PRDM11: variants seen among roughly 807,000 people sequenced by gnomAD.
PRDM11 encodes the protein PR/SET domain 11.
In PRDM11, 20 loss-of-function variants were observed where a neutral mutation model predicts 97.8. The ratio of observed to expected loss-of-function variants is 0.20; its 90% confidence interval spans 0.14 to 0.30. PRDM11 has a LOEUF of 0.30. PRDM11 is among the 10% of genes least tolerant of loss of function. The pLI, the probability that PRDM11 is intolerant of heterozygous loss-of-function variation, is 1.00. For missense variants in PRDM11, 1,139 were observed against 1,555.2 expected (o/e 0.73, Z 4.50); for synonymous variants, 599 against 637.7 (o/e 0.94, Z 0.91).
At chr11:45,192,093 G>A (rs1331331242) in intron 4 of PRDM11, among the ~76,000 whole-genome samples, 2 of 152,110 alleles carry the variant, frequency 1.3e-5, no homozygotes, top group Non-Finnish European at 2.9e-5. Context: ...GGGAGGGATG[G>A]ATGAGTTGAT....
chr11:45,120,519 C>CCACT (rs1852405715), intron 1 of PRDM11, among the ~76,000 whole-genome samples: 3 of 151,996 alleles, frequency 2.0e-5, no homozygotes. Flanking sequence ...GTAAAACTGA[C>CCACT]CACTGGTCTT....
intron 1 of PRDM11, among the ~76,000 whole-genome samples, chr11:45,159,854 A>G (rs750583800): frequency 3.3e-5 from 5 of 152,154 alleles, no homozygotes; most frequent in African/African-American, 4.8e-5. Flanking sequence ...TTATCCCTGA[A>G]GCATCCCTGA....
chr11:45,097,752 G>A (rs914611036), intron 1 of PRDM11, among the ~76,000 whole-genome samples: 2 of 152,232 alleles, frequency 1.3e-5, no homozygotes, highest in African/African-American at 2.4e-5. Flanking sequence ...GCATGGAGCC[G>A]CCTTGTTGGC....
chr11:45,145,697 T>C (rs1005374511), upstream of PRDM11, among the ~76,000 whole-genome samples: 15 of 152,172 alleles, frequency 9.9e-5, no homozygotes, highest in African/African-American at 3.4e-4. Context: ...ACAGGACTTG[T>C]AGAGGACGCC....
In PRDM11 at chr11:45,194,098, T is replaced by C. The variant is rs190471950; in HGVS notation, c.487-10613T>C. ...CAGGCTGCCTGTTAAACAGTCTAGTTCAGAATCCTGTGGCAAAAGGTGGTA... is the reference window on the plus strand; with the variant it reads ...CAGGCTGCCTGTTAAACAGTCTAGTCCAGAATCCTGTGGCAAAAGGTGGTA... On this transcript the variant is annotated intron_variant, in intron 4 of 7. Coordinates refer to ENST00000683152, the MANE Select transcript of PRDM11 (RefSeq NM_001384648.1). 9.7e-4 allele frequency among the ~76,000 whole-genome samples: 148 copies of C among 152,338 alleles called. 1 individual carries two copies. Among genetic ancestry groups the C allele is most frequent in the Non-Finnish European group, 7.8e-4 (53 of 68,032 alleles).
chr11:45,114,485 TAGA>T (rs1441540215), intron 1 of PRDM11, among the ~76,000 whole-genome samples: 2 of 152,130 alleles, frequency 1.3e-5, no homozygotes, highest in Admixed American at 6.5e-5. Flanking sequence ...ATTAAAGTCT[TAGA>T]AGGAGAGAAA....
At chr11:45,111,767 C>T (rs1852187531) in intron 1 of PRDM11, among the ~76,000 whole-genome samples, 1 of 152,028 alleles carries the variant, frequency 6.6e-6, no homozygotes, top group Non-Finnish European at 1.5e-5. Flanking sequence ...AACCAGGGGC[C>T]CATTGAGTTG....
chr11:45,229,527 A>G lies in PRDM11; in HGVS notation c.*1368A>G, dbSNP rs929177033. On this transcript the variant is annotated 3_prime_UTR_variant, in exon 8 of 8. Transcript: ENST00000683152. ...ACACACACACACACACACAATCACAATATACAATATAAGCTTTAGAAATAG... is the reference window on the plus strand; with the variant it reads ...ACACACACACACACACACAATCACAGTATACAATATAAGCTTTAGAAATAG... 6.6e-6 allele frequency: 1 copy of G among 151,984 alleles called. No homozygotes were observed. Among genetic ancestry groups the G allele is most frequent in the Non-Finnish European group, 1.5e-5 (1 of 67,988 alleles). The allele number at this position is 151,984 out of a possible 1,614,324, so 9.4% of individuals were successfully genotyped here.
chr11:45,130,036 C>A (rs536141991), intron 1 of PRDM11, among the ~76,000 whole-genome samples: 1 of 152,048 alleles, frequency 6.6e-6, no homozygotes, highest in African/African-American at 2.4e-5. Context: ...TGGAGAATGC[C>A]TTTTAAATAA....
chr11:45,186,048 C>T (rs935679676), intron 4 of PRDM11, among the ~76,000 whole-genome samples: 1 of 152,100 alleles, frequency 6.6e-6, no homozygotes, highest in Non-Finnish European at 1.5e-5. Context: ...CAAAGAAACA[C>T]ATTAATTCCC....
intron 6 of PRDM11, among the ~76,000 whole-genome samples, chr11:45,220,810 T>C (rs1021597880): frequency 6.6e-6 from 1 of 152,246 alleles, no homozygotes; most frequent in African/African-American, 2.4e-5. Context: ...CAGTTTTAAC[T>C]ACTCTCAGCC....
Position 45,200,596 on chromosome 11 carries a change from G to A in PRDM11, c.487-4115G>A, listed in dbSNP as rs78610416. The stretch of plus-strand genomic sequence containing the variant: ...CCATGGCTCTTACTACCCTCCATGT[G>A]CTCCTACTACTGGCTGTAGGAACTA... On this transcript the variant is annotated intron_variant, in intron 4 of 7. Transcript: ENST00000683152. Among the ~76,000 whole-genome samples, 341 of 152,284 alleles carry A rather than the reference G, an allele frequency of 2.2e-3. 2 individuals carry two copies. In the East Asian group the frequency reaches 0.024, roughly 11 times the overall value.
chr11:45,151,127 T>C (rs1463597457), intron 1 of PRDM11, among the ~76,000 whole-genome samples: 1 of 152,074 alleles, frequency 6.6e-6, no homozygotes. Context: ...CTACCTAACA[T>C]CGGGGTTTGA....
chr11:45,100,487 CCTT>C (rs1851953639), intron 1 of PRDM11, among the ~76,000 whole-genome samples: 1 of 152,346 alleles, frequency 6.6e-6, no homozygotes, highest in South Asian at 2.1e-4. Context: ...AACTCCCAGT[CCTT>C]CTGTCTGTCT....
intron 5 of PRDM11, among the ~76,000 whole-genome samples, chr11:45,206,527 CT>C (rs1277380967): frequency 1.3e-5 from 2 of 152,334 alleles, no homozygotes; most frequent in African/African-American, 4.8e-5. Flanking sequence ...TGTGCTATTG[CT>C]TTTAAGGCGC....
intron 6 of PRDM11, among the ~76,000 whole-genome samples, chr11:45,220,847 C>A (rs977476585): frequency 2.6e-5 from 4 of 152,190 alleles, no homozygotes; most frequent in Non-Finnish European, 5.9e-5. Flanking sequence ...TTTATTCCAT[C>A]CTCATCCTGA....
chr11:45,122,236 C>CACACACACAGAG (rs570495237), intron 1 of PRDM11, among the ~76,000 whole-genome samples: 2 of 144,524 alleles, frequency 1.4e-5, no homozygotes, highest in African/African-American at 5.1e-5. Flanking sequence ...CACACACACA[C>CACACACACAGAG]AGAGAGAAAC....
At chr11:45,145,399 C>T (rs1446561812), upstream of PRDM11, among the ~76,000 whole-genome samples, 1 of 152,150 alleles carries the variant, frequency 6.6e-6, no homozygotes, top group East Asian at 1.9e-4. Context: ...CCATGAGCAC[C>T]CCCATCTGAC....
chr11:45,228,277 A>G lies in PRDM11; in HGVS notation c.*118A>G. ...ATATTATATTATATTATATATATAT[A>G]TATATATAAACTCACACTGAAAATT... On this transcript the variant is annotated 3_prime_UTR_variant, in exon 8 of 8. Transcript: ENST00000683152. 1 of 327,838 alleles carries G rather than the reference A, an allele frequency of 3.1e-6. No homozygotes were observed. The highest frequency in any genetic ancestry group is 4.5e-6 in the Non-Finnish European group (1 of 219,878). 20.3% of individuals were successfully genotyped at this position (327,838 alleles called of 1,614,324 possible). A position where few individuals can be genotyped will look rare whatever the true frequency, so the allele number is the denominator to read the frequency against.
Sources: gnomAD v4.1 joint callset for allele counts (sites outside exome capture counted in the v4.1 genomes callset) on GRCh38, gnomAD v4.1.1 for gene constraint, MANE v1.5 for transcripts, NCBI Gene and HGNC (gene_info 2026-07-23, HGNC 2026-07-21) for gene names.